The following MYO16 variants were observed in gnomAD, a reference collection of about 807,000 sequenced individuals.
The protein encoded by MYO16 is myosin XVI.
In MYO16, 94 loss-of-function variants were observed where a neutral mutation model predicts 205.3. The ratio of observed to expected loss-of-function variants is 0.46; its 90% CI spans 0.39 to 0.54. MYO16 has a LOEUF of 0.54. Ranked by LOEUF, MYO16 falls within the 20% of genes least tolerant of loss-of-function variation. The probability of loss-of-function intolerance (pLI) is 0.00; values close to 1 mark genes in which losing one functional copy is unlikely to be tolerated. For missense variants in MYO16, 2,315 were observed against 2,387.5 expected, an observed-to-expected ratio of 0.97 and a Z score of 0.63; for synonymous variants, 988 against 954.0, an observed-to-expected ratio of 1.04 and a Z score of -0.66.
chr13:108,792,524 T>A (rs1328382116), intron 5 of MYO16, among the ~76,000 whole-genome samples: 1 of 151,432 alleles, frequency 6.6e-6, no homozygotes, highest in Non-Finnish European at 1.5e-5. Flanking sequence ...TTTTTTTTTT[T>A]TTTTGAGATG....
At chr13:108,674,795 A>G (rs1244066748) in intron 2 of MYO16, among the ~76,000 whole-genome samples, 1 of 152,182 alleles carries the variant, frequency 6.6e-6, no homozygotes, top group African/African-American at 2.4e-5. Flanking sequence ...ACTCTCCCCA[A>G]AAGAGTCAGA....
the MYO16 span, among the ~76,000 whole-genome samples, chr13:108,533,534 G>C: frequency 2.6e-5 from 4 of 152,166 alleles, no homozygotes; most frequent in East Asian, 7.7e-4. Context: ...CTGAAGCTTG[G>C]GTGAACTTTC....
At chr13:108,773,443 C>T (rs1459945640) in intron 4 of MYO16, among the ~76,000 whole-genome samples, 3 of 152,140 alleles carry the variant, frequency 2.0e-5, no homozygotes, top group African/African-American at 7.2e-5. Flanking sequence ...GGGGGACTCC[C>T]TCTCTCACAT....
At chr13:108,843,369 G>A (rs1346263375) in intron 9 of MYO16, among the ~76,000 whole-genome samples, 2 of 152,110 alleles carry the variant, frequency 1.3e-5, no homozygotes, top group Non-Finnish European at 2.9e-5. Flanking sequence ...AGGGTCTCTT[G>A]GAGGTGATAA....
intron 2 of MYO16, among the ~76,000 whole-genome samples, chr13:108,704,674 A>G (rs1883435568): frequency 6.6e-6 from 1 of 152,176 alleles, no homozygotes; most frequent in African/African-American, 2.4e-5. Flanking sequence ...TGATAAACCT[A>G]CATTGACACA....
chr13:108,687,747 A>G (rs1187603819), intron 2 of MYO16, among the ~76,000 whole-genome samples: 1 of 152,228 alleles, frequency 6.6e-6, no homozygotes, highest in Admixed American at 6.5e-5. Flanking sequence ...ATTTTTTGGG[A>G]ACAGTGTAAT....
intron 27 of MYO16, among the ~76,000 whole-genome samples, chr13:109,091,007 C>T (rs925095666): frequency 2.0e-5 from 3 of 152,134 alleles, no homozygotes; most frequent in Non-Finnish European, 2.9e-5. Context: ...TATGTTCAAC[C>T]CACCATGCAG....
intron 31 of MYO16, among the ~76,000 whole-genome samples, chr13:109,138,366 AG>A (rs1410597274): frequency 6.6e-6 from 1 of 152,256 alleles, no homozygotes; most frequent in African/African-American, 2.4e-5. Flanking sequence ...CTAAGACTGG[AG>A]GTAATTTTTC....
intron 21 of MYO16, among the ~76,000 whole-genome samples, chr13:109,002,393 G>C (rs548043123): frequency 5.9e-5 from 9 of 152,338 alleles, no homozygotes; most frequent in African/African-American, 1.7e-4. Flanking sequence ...TAATACAAAT[G>C]ATGAGCCATC....
Position 108,785,618 on chromosome 13 carries a change from T to A in MYO16, c.508-17T>A. 2 of 1,510,892 alleles carry A rather than the reference T, an allele frequency of 1.3e-6. No individual in the cohort carries two copies. The highest frequency in any genetic ancestry group is 1.8e-6 in the Non-Finnish European group (2 of 1,107,976). 93.6% of individuals were successfully genotyped at this position (1,510,892 alleles called of 1,614,324 possible). On this transcript the variant is annotated splice_polypyrimidine_tract_variant and intron_variant, in intron 4 of 34. Coordinates refer to ENST00000457511, the MANE Select transcript of MYO16 (RefSeq NM_001198950.3). ...TAAACAGTATATATGATGTTATATTTTTTTCTTTTTATCTAGGCTGGAGCC... is the reference window on the plus strand; with the variant it reads ...TAAACAGTATATATGATGTTATATTATTTTCTTTTTATCTAGGCTGGAGCC...
chr13:108,648,049 G>T lies in MYO16; in HGVS notation c.29-17837G>T, dbSNP rs115112226. ...GGTCTATAGGGCAGAGGGAAAGGAA[G>T]AATACTGATTAAAGTCTCCCTTTCA... On this transcript the variant is annotated intron_variant, in intron 1 of 34. Transcript: ENST00000457511. Among the ~76,000 whole-genome samples the T allele has an allele frequency of 2.7e-3, 405 of 152,310 alleles. 1 individual carries two copies. The highest frequency in any genetic ancestry group is 8.4e-3 in the African/African-American group (351 of 41,570).
chr13:108,547,629 C>T, the MYO16 span, among the ~76,000 whole-genome samples: 4 of 152,162 alleles, frequency 2.6e-5, no homozygotes, highest in Non-Finnish European at 5.9e-5. Flanking sequence ...ACATAATGTA[C>T]TATGGCAGTT....
At chr13:108,595,444 A>C (rs2139290323), upstream of MYO16, among the ~76,000 whole-genome samples, 1 of 152,312 alleles carries the variant, frequency 6.6e-6, no homozygotes, top group South Asian at 2.1e-4. Flanking sequence ...AAAAAAGTTC[A>C]AAAACAATTT....
At chr13:108,957,424 CCTT>C (rs1255670067) in intron 16 of MYO16, among the ~76,000 whole-genome samples, 1 of 149,024 alleles carries the variant, frequency 6.7e-6, no homozygotes, top group Non-Finnish European at 1.5e-5. Flanking sequence ...TCACTTGTGA[CCTT>C]CTCCTGTCAC....
intron 14 of MYO16, among the ~76,000 whole-genome samples, chr13:108,894,800 A>G (rs1594376592): frequency 6.6e-6 from 1 of 152,150 alleles, no homozygotes; most frequent in Non-Finnish European, 1.5e-5. Context: ...TTGTTCCCCC[A>G]CAAAGTTTCA....
chr13:109,088,087 G>A (rs1158681568), intron 27 of MYO16, among the ~76,000 whole-genome samples: 3 of 152,232 alleles, frequency 2.0e-5, no homozygotes, highest in African/African-American at 4.8e-5. Flanking sequence ...TCAGAGAACA[G>A]TGTGGTTGGT....
chr13:109,018,282 G>C (rs1885896801), intron 22 of MYO16, among the ~76,000 whole-genome samples: 1 of 152,160 alleles, frequency 6.6e-6, no homozygotes, highest in African/African-American at 2.4e-5. Flanking sequence ...TGTTTGCCTG[G>C]GTATCACCAG....
the MYO16 span, among the ~76,000 whole-genome samples, chr13:108,501,700 T>G: frequency 6.6e-6 from 1 of 152,224 alleles, no homozygotes; most frequent in African/African-American, 2.4e-5. Flanking sequence ...GTGTACAGCC[T>G]GTAAGCTAAA....
chr13:109,089,787 G>C (rs1888561244), intron 27 of MYO16, among the ~76,000 whole-genome samples: 1 of 152,176 alleles, frequency 6.6e-6, no homozygotes, highest in Non-Finnish European at 1.5e-5. Flanking sequence ...ATCACACCTG[G>C]AATTTATGGG....
Sources: allele counts gnomAD v4.1 joint callset (sites outside exome capture counted in the v4.1 genomes callset), GRCh38; gene constraint gnomAD v4.1.1; transcripts MANE v1.5; gene names NCBI Gene and HGNC (gene_info 2026-07-23, HGNC 2026-07-21).